The following ULK4 variants were observed in gnomAD, a reference collection of about 807,000 sequenced individuals.
The protein encoded by ULK4 is inactive serine/threonine-protein kinase ULK4.
In ULK4, 133 loss-of-function variants were observed where a neutral mutation model predicts 160.6. The ratio of observed to expected loss-of-function variants is 0.83; its 90% CI spans 0.72 to 0.96. ULK4 has a LOEUF of 0.96. Ranked by LOEUF, ULK4 falls within the 40% of genes least tolerant of loss-of-function variation. ULK4 has a pLI of 0.00. For synonymous variants in ULK4, 534 were observed against 539.8 expected, an observed-to-expected ratio of 0.99 and a Z score of 0.15; for missense variants, 1,580 against 1,499.5, an observed-to-expected ratio of 1.05 and a Z score of -0.89.
chr3:41,750,923 G>A (rs2038600238), intron 22 of ULK4, among the ~76,000 whole-genome samples: 1 of 150,434 alleles, frequency 6.6e-6, no homozygotes, highest in Non-Finnish European at 1.5e-5. Context: ...CCGGGAGGCG[G>A]AGATTGCAGT....
intron 34 of ULK4, among the ~76,000 whole-genome samples, chr3:41,449,643 G>C (rs2083382100): frequency 6.6e-6 from 1 of 150,948 alleles, no homozygotes; most frequent in Non-Finnish European, 1.5e-5. Flanking sequence ...GAAACAGAAG[G>C]AGAACAGGCA....
intron 19 of ULK4, among the ~76,000 whole-genome samples, chr3:41,808,190 C>T (rs937850148): frequency 6.6e-6 from 1 of 152,092 alleles, no homozygotes; most frequent in South Asian, 2.1e-4. Flanking sequence ...TATTTTGCCC[C>T]ATATGCCTTG....
intron 31 of ULK4, among the ~76,000 whole-genome samples, chr3:41,610,025 T>A (rs981742078): frequency 6.5e-4 from 98 of 151,568 alleles, no homozygotes; most frequent in Non-Finnish European, 5.9e-4. Context: ...ATTTTATTTT[T>A]TTTTTTTTGG....
At chr3:41,345,502 T>C (rs1056209525) in intron 35 of ULK4, among the ~76,000 whole-genome samples, 1 of 152,196 alleles carries the variant, frequency 6.6e-6, no homozygotes, top group African/African-American at 2.4e-5. Context: ...CAAGCCATTA[T>C]CCTCAGAAAA....
chr3:41,787,950 C>CA (rs2040044195), intron 21 of ULK4, among the ~76,000 whole-genome samples: 1 of 152,146 alleles, frequency 6.6e-6, no homozygotes, highest in East Asian at 1.9e-4. Flanking sequence ...AGGTAAAACA[C>CA]ACACACACAC....
At chr3:41,781,899 A>C (rs1003457902) in intron 21 of ULK4, among the ~76,000 whole-genome samples, 1 of 152,238 alleles carries the variant, frequency 6.6e-6, no homozygotes, top group African/African-American at 2.4e-5. Flanking sequence ...AGATCATGCC[A>C]CTGCACTCCA....
chr3:41,852,115 G>A (rs1474924673), intron 17 of ULK4, among the ~76,000 whole-genome samples: 1 of 152,052 alleles, frequency 6.6e-6, no homozygotes, highest in East Asian at 1.9e-4. Context: ...ATACCTCTAC[G>A]CAAATAAACT....
At chr3:41,875,264 C>T (rs1261454762) in intron 17 of ULK4, among the ~76,000 whole-genome samples, 1 of 151,996 alleles carries the variant, frequency 6.6e-6, no homozygotes, top group East Asian at 1.9e-4. Flanking sequence ...AATTAATAAT[C>T]TGTTGAGGCC....
At chr3:41,782,156 A>C (rs1055035797) in intron 21 of ULK4, among the ~76,000 whole-genome samples, 4 of 142,988 alleles carry the variant, frequency 2.8e-5, no homozygotes, top group Non-Finnish European at 6.2e-5. Context: ...GCGATTCTGA[A>C]TTTTTTTTTT....
chr3:41,781,060 AATAC>A (rs1262229269), intron 21 of ULK4, among the ~76,000 whole-genome samples: 1 of 152,144 alleles, frequency 6.6e-6, no homozygotes, highest in African/African-American at 2.4e-5. Context: ...TATTTATACA[AATAC>A]ATACATAAAA....
chr3:41,848,206 G>T (rs9824731), intron 17 of ULK4, among the ~76,000 whole-genome samples: 27,763 of 152,110 alleles, frequency 0.18, 2,614 homozygotes, highest in Middle Eastern at 0.32. Flanking sequence ...GTAACTGGTA[G>T]ATTCCTTCTC....
intron 22 of ULK4, among the ~76,000 whole-genome samples, chr3:41,736,391 G>T (rs2038050288): frequency 6.6e-6 from 1 of 151,808 alleles, no homozygotes; most frequent in Non-Finnish European, 1.5e-5. Context: ...ATTCTAACTG[G>T]TGTGAGATGG....
At position 41,424,595 on chromosome 3, in the gene ULK4, C is replaced by T. The variant is rs189731043; in HGVS notation, c.3493-26331G>A. Among the ~76,000 whole-genome samples the T allele has an allele frequency of 1.3e-4, 20 of 152,230 alleles. No homozygotes were observed. The East Asian group carries it at 2.9e-3, about 22-fold the overall frequency. On this transcript the variant is annotated intron_variant, in intron 34 of 36. Transcript: ENST00000301831. ...GCAGCCATCTTTGCTTTTCTGGAGC[C>T]TCCACTGGTGACACCTCCAGGTGTG...
At chr3:41,809,002 C>G (rs1418869747) in intron 19 of ULK4, among the ~76,000 whole-genome samples, 1 of 151,814 alleles carries the variant, frequency 6.6e-6, no homozygotes, top group East Asian at 1.9e-4. Context: ...CCCGTCTCTA[C>G]AAAAAATACA....
intron 35 of ULK4, among the ~76,000 whole-genome samples, chr3:41,380,167 A>G (rs1438333306): frequency 6.6e-6 from 1 of 152,206 alleles, no homozygotes; most frequent in Non-Finnish European, 1.5e-5. Flanking sequence ...CAGCTGGAGA[A>G]GAGAAAAATC....
At chr3:41,797,913 C>G (rs957599472) in intron 20 of ULK4, among the ~76,000 whole-genome samples, 16 of 149,506 alleles carry the variant, frequency 1.1e-4, no homozygotes, top group African/African-American at 3.7e-4. Flanking sequence ...GAAAACAAAA[C>G]AAAAGAAAAG....
At chr3:41,594,099 CAG>C (rs2031537023) in intron 31 of ULK4, among the ~76,000 whole-genome samples, 1 of 152,024 alleles carries the variant, frequency 6.6e-6, no homozygotes, top group South Asian at 2.1e-4. Flanking sequence ...GGTGGGCAAG[CAG>C]AGTTATTTTT....
At chr3:41,946,648 T>C (rs1700120372) in intron 2 of ULK4, among the ~76,000 whole-genome samples, 1 of 152,160 alleles carries the variant, frequency 6.6e-6, no homozygotes, top group African/African-American at 2.4e-5. Flanking sequence ...CGTAGTGAAA[T>C]TTTCCCTGGG....
At chr3:41,295,257 A>G (rs1382799018) in intron 35 of ULK4, among the ~76,000 whole-genome samples, 1 of 77,026 alleles carries the variant, frequency 1.3e-5, no homozygotes, top group Non-Finnish European at 3.3e-5. Context: ...CAAAACATGA[A>G]TGCAGACACA....
Sources: gnomAD v4.1 joint callset for allele counts (sites outside exome capture counted in the v4.1 genomes callset) on GRCh38, gnomAD v4.1.1 for gene constraint, MANE v1.5 for transcripts, NCBI Gene and HGNC (gene_info 2026-07-23, HGNC 2026-07-21) for gene names.